Variants in VEGFC observed in about 807,000 individuals in gnomAD.
VEGFC encodes the protein FLT4 ligand DHM.
Under a neutral mutation model 46.1 loss-of-function variants are expected in VEGFC, and 12 were observed. The ratio of observed to expected loss-of-function variants is 0.26; its 90% CI spans 0.17 to 0.42. The LOEUF is 0.42. Ranked by LOEUF, VEGFC falls within the 10% of genes least tolerant of loss-of-function variation. The pLI is 1.00. For synonymous variants in VEGFC, 232 were observed against 195.5 expected, an observed-to-expected ratio of 1.19 and a Z score of -1.56; for missense variants, 488 against 529.4, an observed-to-expected ratio of 0.92 and a Z score of 0.77.
chr4:176,780,853 C>G (rs927023036), intron 1 of VEGFC, among the ~76,000 whole-genome samples: 1 of 151,982 alleles, frequency 6.6e-6, no homozygotes, highest in Non-Finnish European at 1.5e-5. Context: ...CAACATGGCA[C>G]AAAAAATCAC....
At chr4:176,774,127 A>T (rs992119613) in intron 1 of VEGFC, among the ~76,000 whole-genome samples, 4 of 70,434 alleles carry the variant, frequency 5.7e-5, no homozygotes, top group Admixed American at 4.1e-4. Flanking sequence ...TTCCCTGTGC[A>T]TTGCTAGGAA....
chr4:176,711,715 T>C (rs1734623489), intron 3 of VEGFC, 65 bp from the exon 4 acceptor site: 13 of 1,540,504 alleles, frequency 8.4e-6, no homozygotes, highest in Admixed American at 1.8e-5. Flanking sequence ...TTATGGTAAA[T>C]ATTGGAGTCC....
intron 1 of VEGFC, among the ~76,000 whole-genome samples, chr4:176,785,051 G>A (rs1248946276): frequency 6.6e-6 from 1 of 152,088 alleles, no homozygotes; most frequent in African/African-American, 2.4e-5. Flanking sequence ...AATATTGGCA[G>A]TGAGTTCTTC....
intron 1 of VEGFC, among the ~76,000 whole-genome samples, chr4:176,771,682 G>A (rs1048704721): frequency 6.6e-6 from 1 of 152,194 alleles, no homozygotes; most frequent in African/African-American, 2.4e-5. Context: ...TGGTACCAGT[G>A]CTGTGGACAC....
chr4:176,687,864 G>A lies in VEGFC; in HGVS notation c.768C>T (p.Cys256=). The A allele has an allele frequency of 6.2e-7, 1 of 1,613,596 alleles. No individual in the cohort carries two copies. Among genetic ancestry groups the A allele is most frequent in the Non-Finnish European group, 8.5e-7 (1 of 1,179,828 alleles). ...AAAACATAAAATCTTCCTGAGCCAG[G>A]CATCTGCAGATGTGATTATTCCACA... ...NYMWNNHICR[C]LAQEDFMFSS... The change falls in exon 5 of 7, where the codon TGC becomes TGT. Residue 256 remains cysteine, a synonymous_variant. Coordinates refer to ENST00000618562, the MANE Select transcript of VEGFC (RefSeq NM_005429.5).
rs1432921069 is a variant in VEGFC at position 176,787,129 on chromosome 4, A to C, written c.147+5036T>G. Reference sequence around the variant, plus strand: ...TAATGACTATAAATAGCCTTATGTCAGTTCAGATCAGGATTATAGCACCAA... The same window carrying C: ...TAATGACTATAAATAGCCTTATGTCCGTTCAGATCAGGATTATAGCACCAA... On this transcript the variant is annotated intron_variant, in intron 1 of 6. Coordinates refer to ENST00000618562, the MANE Select transcript of VEGFC (RefSeq NM_005429.5). Among the ~76,000 whole-genome samples, 3 of 152,318 alleles carry C rather than the reference A, an allele frequency of 2.0e-5. No homozygotes were observed. The East Asian group carries it at 5.8e-4, about 29-fold the overall frequency.
At chr4:176,766,043 T>A (rs1241298289) in intron 1 of VEGFC, among the ~76,000 whole-genome samples, 1 of 151,832 alleles carries the variant, frequency 6.6e-6, no homozygotes, top group Non-Finnish European at 1.5e-5. Context: ...AAAACAAATA[T>A]CCTTTGCCAT....
chr4:176,697,932 C>T (rs947435189), intron 4 of VEGFC, among the ~76,000 whole-genome samples: 7 of 149,008 alleles, frequency 4.7e-5, no homozygotes, highest in African/African-American at 1.5e-4. Flanking sequence ...GGGAATTGAA[C>T]AATGAGATCA....
chr4:176,777,037 G>T (rs1305295058), intron 1 of VEGFC, among the ~76,000 whole-genome samples: 1 of 152,186 alleles, frequency 6.6e-6, no homozygotes. Context: ...CTACTGGCCG[G>T]GTGCGGTAGC....
intron 4 of VEGFC, chr4:176,689,613 C>T (rs1172788218): frequency 6.6e-6 from 1 of 152,204 alleles, no homozygotes; most frequent in Non-Finnish European, 1.5e-5. Flanking sequence ...ACTGATTTGA[C>T]CTTTCTTTGT....
chr4:176,790,405 C>T (rs1218463277), intron 1 of VEGFC, among the ~76,000 whole-genome samples: 1 of 152,170 alleles, frequency 6.6e-6, no homozygotes, highest in East Asian at 1.9e-4. Flanking sequence ...GTGATTTTCA[C>T]AGCAATGGTA....
rs1553997830 is a variant in VEGFC, at chr4:176,780,391, A to AAAAAAAAACAAAC, written c.147+11773_147+11774insGTTTGTTTTTTTT. ...AGCGAGACTCCATCTCAAAAAAAAAAAAAAAAAACTCCTTCTAACCCATTC... is the reference window on the plus strand; with the variant it reads ...AGCGAGACTCCATCTCAAAAAAAAAAAAAAAAAACAAACAAAAAAAACTCCTTCTAACCCATTC... On this transcript the variant is annotated intron_variant, in intron 1 of 6. Transcript: ENST00000618562. Among the ~76,000 whole-genome samples, 251 of 148,676 alleles carry AAAAAAAAACAAAC rather than the reference A, an allele frequency of 1.7e-3. 7 individuals are homozygous for AAAAAAAAACAAAC. Among genetic ancestry groups the AAAAAAAAACAAAC allele is most frequent in the African/African-American group, 5.6e-3 (230 of 41,006 alleles).
chr4:176,718,357 T>C (rs1174032631), intron 3 of VEGFC, among the ~76,000 whole-genome samples: 1 of 152,140 alleles, frequency 6.6e-6, no homozygotes, highest in East Asian at 1.9e-4. Context: ...GGAAGAAATA[T>C]CTCTGACTGC....
At chr4:176,729,801 A>G in intron 1 of VEGFC, 55 bp from the exon 2 acceptor site, 1 of 1,428,054 alleles carries the variant, frequency 7.0e-7, no homozygotes, top group Admixed American at 2.4e-5. Context: ...ATTTAGAAAC[A>G]AATGCACTAT....
chr4:176,730,043 T>C (rs1734936892), intron 1 of VEGFC, among the ~76,000 whole-genome samples: 1 of 152,180 alleles, frequency 6.6e-6, no homozygotes, highest in Non-Finnish European at 1.5e-5. Context: ...AAATAATTGG[T>C]CAATTTGTAT....
rs904070362 is a variant in VEGFC at position 176,729,594 on chromosome 4, G to C, written c.300C>G (p.Asn100Lys). The C allele has an allele frequency of 1.9e-6, 3 of 1,613,670 alleles. No homozygotes were observed. The highest frequency in any genetic ancestry group is 2.5e-6 in the Non-Finnish European group (3 of 1,179,892). ...ATTTTATAGTCTCTTCTGTCCTTGA[G>C]TTGAGGTTGGCCTGTTCTCTGTTAT... ...WQHNREQANL[N>K]SRTEETIKFA... The change falls in exon 2 of 7, where the codon AAC becomes AAG. Residue 100 changes from asparagine to lysine, a missense_variant. Transcript: ENST00000618562.
In VEGFC at chr4:176,694,024, C is replaced by T. The variant is rs1322890422; in HGVS notation, c.705-6097G>A. Reference sequence around the variant, plus strand: ...CAACTGGTACCAGCCGCTGCAAAATCATGCCAAAATGTAAAGACCATCGAG... The same window carrying T: ...CAACTGGTACCAGCCGCTGCAAAATTATGCCAAAATGTAAAGACCATCGAG... On this transcript the variant is annotated intron_variant, in intron 4 of 6. Transcript: ENST00000618562. Among the ~76,000 whole-genome samples, 88 of 151,536 alleles carry T rather than the reference C, an allele frequency of 5.8e-4. No individual in the cohort carries two copies. The East Asian group carries it at 0.012, about 20-fold the overall frequency.
chr4:176,761,274 G>A (rs546143212), intron 1 of VEGFC, among the ~76,000 whole-genome samples: 9 of 152,186 alleles, frequency 5.9e-5, no homozygotes, highest in African/African-American at 1.2e-4. Context: ...AGTCCTCAGC[G>A]AACATTCTAA....
chr4:176,735,846 A>G (rs775689922), intron 1 of VEGFC, among the ~76,000 whole-genome samples: 1 of 151,916 alleles, frequency 6.6e-6, no homozygotes, highest in Non-Finnish European at 1.5e-5. Flanking sequence ...GGACTGTGAA[A>G]TTGTTTCAGT....
Sources: allele counts gnomAD v4.1 joint callset (sites outside exome capture counted in the v4.1 genomes callset), GRCh38; gene constraint gnomAD v4.1.1; transcripts MANE v1.5; gene names NCBI Gene and HGNC (gene_info 2026-07-23, HGNC 2026-07-21).